PDE4DIP: variants seen among roughly 807,000 people sequenced by gnomAD.
PDE4DIP encodes the protein myomegalin.
A neutral mutation model predicts 221.4 loss-of-function variants in PDE4DIP; 59 were observed. That is an observed-to-expected ratio of 0.27 (90% CI 0.22 to 0.33). The LOEUF is 0.33. Among genes scored for constraint, PDE4DIP ranks in the 10% least tolerant of loss-of-function variants. The pLI is 1.00. For synonymous variants in PDE4DIP, 404 were observed against 815.9 expected (o/e 0.50, Z 8.60); for missense variants, 1,036 against 2,154.2 (o/e 0.48, Z 10.28).
At chr1:148,828,923 T>C (rs1383780999) in intron 1 of PDE4DIP, among the ~76,000 whole-genome samples, 2 of 150,640 alleles carry the variant, frequency 1.3e-5, no homozygotes, top group African/African-American at 4.9e-5. Flanking sequence ...AATTATTTAT[T>C]GAATGAATGA....
intron 4 of PDE4DIP, among the ~76,000 whole-genome samples, chr1:148,937,425 A>G (rs1553475700): frequency 6.6e-6 from 1 of 152,176 alleles, no homozygotes; most frequent in African/African-American, 2.4e-5. Flanking sequence ...CGTTTATTGA[A>G]TGGAACAGCC....
chr1:148,922,281 C>A, intron 1 of PDE4DIP, among the ~76,000 whole-genome samples: 1 of 142,342 alleles, frequency 7.0e-6, no homozygotes. Flanking sequence ...GTCAGCCAGG[C>A]GCGGTGGCTC....
At chr1:148,986,147 C>G (rs369749402) in intron 21 of PDE4DIP, 1 of 152,132 alleles carries the variant, frequency 6.6e-6, no homozygotes, top group South Asian at 2.1e-4. Context: ...TTGCAGTGAG[C>G]CGAGATCATG....
intron 1 of PDE4DIP, among the ~76,000 whole-genome samples, chr1:148,820,855 T>TTATA (rs1553360136): frequency 7.3e-6 from 1 of 137,562 alleles, no homozygotes; most frequent in African/African-American, 2.7e-5. Context: ...ATTTATTTAT[T>TTATA]TATTTATTTA....
chr1:149,017,817 G>T (rs1301620588), exon 34 of PDE4DIP: 1 of 1,612,828 alleles, frequency 6.2e-7, no homozygotes, highest in Non-Finnish European at 8.5e-7. Context: ...GAATCCATCT[G>T]CATCAATGAC....
At chr1:148,840,307 CAGGTT>C in intron 1 of PDE4DIP, among the ~76,000 whole-genome samples, 1 of 97,268 alleles carries the variant, frequency 1.0e-5, no homozygotes, top group East Asian at 2.8e-4. Flanking sequence ...ATCATTTACC[CAGGTT>C]ATTTGAGTTC....
chr1:148,985,207 T>C (rs1358299457), intron 21 of PDE4DIP: 1 of 152,160 alleles, frequency 6.6e-6, no homozygotes, highest in Non-Finnish European at 1.5e-5. Context: ...CTTTTCTCTT[T>C]GGTAGTGTGG....
rs1234431573 is a variant in PDE4DIP at position 148,998,506 on chromosome 1, T to C, written c.3137+131T>C. The C allele has an allele frequency of 5.3e-6, 3 of 563,126 alleles. No homozygotes were observed. In the African/African-American group the frequency reaches 5.7e-5, roughly 11 times the overall value. The allele number at this position is 563,126 out of a possible 1,614,324, so 34.9% of individuals were successfully genotyped here. Reference sequence around the variant, plus strand: ...GATAAAAGTAAGTAATATTGGCTAATGGTAATCACTTTCTGTTATTCAAAT... The same window carrying C: ...GATAAAAGTAAGTAATATTGGCTAACGGTAATCACTTTCTGTTATTCAAAT... On this transcript the variant is annotated intron_variant, in intron 23 of 43. Coordinates refer to ENST00000369354, the Ensembl canonical transcript of PDE4DIP.
At chr1:148,933,143 T>G (rs2265699) in intron 4 of PDE4DIP, among the ~76,000 whole-genome samples, 11 of 152,074 alleles carry the variant, frequency 7.2e-5, no homozygotes, top group Admixed American at 1.3e-4. Flanking sequence ...GCCATTGAAG[T>G]TTTCCTAGAG....
intron 5 of PDE4DIP, among the ~76,000 whole-genome samples, chr1:148,954,598 T>A (rs1478975944): frequency 6.6e-6 from 1 of 152,198 alleles, no homozygotes; most frequent in Non-Finnish European, 1.5e-5. Flanking sequence ...CTCTACTGAG[T>A]TCTACTGGAA....
At chr1:148,830,680 G>GT (rs1254674170) in intron 1 of PDE4DIP, among the ~76,000 whole-genome samples, 5 of 131,576 alleles carry the variant, frequency 3.8e-5, no homozygotes, top group African/African-American at 1.3e-4. Context: ...GCGGTATTTG[G>GT]TTTTTTTGTC....
intron 35 of PDE4DIP, among the ~76,000 whole-genome samples, chr1:149,019,128 A>G (rs372966350): frequency 7.4e-5 from 1 of 13,548 alleles, no homozygotes; most frequent in Admixed American, 6.6e-4. Context: ...TCTCTCACTC[A>G]TAGACTCAGG....
chr1:148,931,529 C>G (rs2047983228), intron 2 of PDE4DIP: 1 of 245,304 alleles, frequency 4.1e-6, no homozygotes, highest in African/African-American at 2.8e-5. Context: ...AAAAATTGCT[C>G]CACATCACTA....
rs587771481 is a variant in PDE4DIP at position 148,962,299 on chromosome 1, G to T, written c.981+11G>T. 53 of 1,554,716 alleles carry T rather than the reference G, an allele frequency of 3.4e-5. No individual in the cohort carries two copies. The South Asian group carries it at 5.6e-4, about 16-fold the overall frequency. On this transcript the variant is annotated intron_variant, in intron 8 of 43. Transcript: ENST00000369354. ...CTTGGACAACTTCACGTATGTGAGG[G>T]TCACGTAGGACAGGAGAGACTTCAG...
At chr1:149,030,700 A>G in intron 43 of PDE4DIP, 1 of 983,038 alleles carries the variant, frequency 1.0e-6, no homozygotes, top group Non-Finnish European at 1.2e-6. Flanking sequence ...TTTGCAACCT[A>G]ATAAACTGAT....
chr1:148,935,109 G>A (rs1553474009), intron 4 of PDE4DIP, among the ~76,000 whole-genome samples: 2 of 152,178 alleles, frequency 1.3e-5, no homozygotes, highest in Non-Finnish European at 2.9e-5. Context: ...AGCTACTCGG[G>A]AGGCTGAGGC....
chr1:148,953,896 C>T, intron 5 of PDE4DIP: 1 of 1,612,500 alleles, frequency 6.2e-7, no homozygotes, highest in Non-Finnish European at 8.5e-7. Context: ...ATTTGCCGCT[C>T]CGGGTCCAGG....
chr1:148,975,839 T>A (rs1244291870), intron 17 of PDE4DIP, among the ~76,000 whole-genome samples: 4 of 152,172 alleles, frequency 2.6e-5, no homozygotes, highest in Non-Finnish European at 5.9e-5. Context: ...AGCTCTTAGT[T>A]TTTTTCTACC....
At chr1:149,000,696 A>G (rs1176366339) in intron 23 of PDE4DIP, among the ~76,000 whole-genome samples, 1 of 151,698 alleles carries the variant, frequency 6.6e-6, no homozygotes, top group Non-Finnish European at 1.5e-5. Context: ...GTCTGCAGCT[A>G]GTACAGCAGG....
Sources: gnomAD v4.1 joint callset for allele counts (sites outside exome capture counted in the v4.1 genomes callset) on GRCh38, gnomAD v4.1.1 for gene constraint, MANE v1.5 for transcripts, NCBI Gene and HGNC (gene_info 2026-07-23, HGNC 2026-07-21) for gene names.